Variants in PAK5 observed in about 807,000 individuals in gnomAD.
PAK5 encodes serine/threonine-protein kinase PAK 5.
A neutral mutation model predicts 65.9 loss-of-function variants in PAK5; 16 were observed. The observed-to-expected ratio is 0.24, with a 90% CI of 0.16 to 0.37. PAK5 has a LOEUF of 0.37. Ranked by LOEUF, PAK5 falls within the 10% of genes least tolerant of loss-of-function variation. The pLI, the probability that PAK5 is intolerant of heterozygous loss-of-function variation, is 1.00. For synonymous variants in PAK5, 371 were observed against 354.9 expected (o/e 1.05, Z -0.51); for missense variants, 785 against 903.9 (o/e 0.87, Z 1.69).
rs1426519916 is a variant in PAK5 at position 9,580,885 on chromosome 20, CGTTGATGGAGGTTTCCTT to C, written c.232_249del (p.Lys78_Asn83del). Reference sequence around the variant, plus strand: ...ATGTTGTCAAAATCCTCTAGCAGGCCGTTGATGGAGGTTTCCTTGCAGGGTTTGTTTCCTCTAACGATT... The same window carrying C: ...ATGTTGTCAAAATCCTCTAGCAGGCCGCAGGGTTTGTTTCCTCTAACGATT... On this transcript the variant is annotated inframe_deletion, in exon 4 of 10. Transcript: ENST00000353224. 5 of 1,608,218 alleles carry C rather than the reference CGTTGATGGAGGTTTCCTT, an allele frequency of 3.1e-6. No homozygotes were observed. Among genetic ancestry groups the C allele is most frequent in the African/African-American group, 1.3e-5 (1 of 74,240 alleles).
chr20:9,640,785 C>A (rs187385407), intron 3 of PAK5, among the ~76,000 whole-genome samples: 164 of 150,994 alleles, frequency 1.1e-3, no homozygotes, highest in African/African-American at 3.9e-3. Flanking sequence ...CTTAAGACAG[C>A]GCGTCTGGAG....
At chr20:9,769,680 G>C (rs974077157) in intron 1 of PAK5, among the ~76,000 whole-genome samples, 4 of 152,174 alleles carry the variant, frequency 2.6e-5, no homozygotes, top group African/African-American at 9.6e-5. Context: ...TCAGCTATGG[G>C]CTAGAGAGCA....
At chr20:9,612,072 T>A (rs1297914516) in intron 3 of PAK5, among the ~76,000 whole-genome samples, 1 of 152,058 alleles carries the variant, frequency 6.6e-6, no homozygotes, top group Non-Finnish European at 1.5e-5. Context: ...AGGCACAGGG[T>A]GTCTGGCCCC....
intron 1 of PAK5, chr20:9,818,732 A>T (rs1050373796): frequency 8.5e-5 from 13 of 152,212 alleles, no homozygotes; most frequent in African/African-American, 3.1e-4. Flanking sequence ...GGTCCAGAAG[A>T]CAGTCATTAA....
intron 1 of PAK5, among the ~76,000 whole-genome samples, chr20:9,716,903 G>A (rs1428428560): frequency 6.6e-6 from 1 of 151,976 alleles, no homozygotes; most frequent in Admixed American, 6.6e-5. Flanking sequence ...GAGCAACATG[G>A]CGAAACCCCG....
intron 1 of PAK5, among the ~76,000 whole-genome samples, chr20:9,799,928 GACTCTGTCTCCAAA>G (rs1569093084): frequency 1.0e-5 from 1 of 95,384 alleles, no homozygotes; most frequent in Admixed American, 1.8e-4. Flanking sequence ...AATAGAGTGA[GACTCTGTCTCCAAA>G]AAAAAAAAAA....
chr20:9,645,210 A>G (rs948675796), intron 2 of PAK5, among the ~76,000 whole-genome samples: 26 of 146,188 alleles, frequency 1.8e-4, no homozygotes, highest in African/African-American at 6.1e-4. Context: ...TTTTCACTGT[A>G]TATTATATTT....
At chr20:9,686,375 C>T (rs1384690386) in intron 2 of PAK5, among the ~76,000 whole-genome samples, 1 of 152,118 alleles carries the variant, frequency 6.6e-6, no homozygotes, top group Non-Finnish European at 1.5e-5. Flanking sequence ...CTTCCTTTTC[C>T]CTTCCTGTTT....
At chr20:9,772,860 C>A (rs1320995925) in intron 1 of PAK5, among the ~76,000 whole-genome samples, 1 of 152,192 alleles carries the variant, frequency 6.6e-6, no homozygotes, top group Non-Finnish European at 1.5e-5. Flanking sequence ...AGGGAGTTAA[C>A]ACTCCAGGAG....
At chr20:9,726,377 T>C (rs1000381861) in intron 1 of PAK5, among the ~76,000 whole-genome samples, 4 of 152,148 alleles carry the variant, frequency 2.6e-5, no homozygotes, top group Admixed American at 1.3e-4. Flanking sequence ...ACAGTTCAAT[T>C]GACTTAGAAA....
At chr20:9,645,136 A>G (rs1440326709) in intron 2 of PAK5, among the ~76,000 whole-genome samples, 1 of 152,220 alleles carries the variant, frequency 6.6e-6, no homozygotes, top group African/African-American at 2.4e-5. Context: ...AATATACAAG[A>G]AAGTTGACTG....
chr20:9,827,321 AATCT>A (rs749403613), intron 1 of PAK5, among the ~76,000 whole-genome samples: 2 of 152,204 alleles, frequency 1.3e-5, no homozygotes, highest in Admixed American at 1.3e-4. Flanking sequence ...CAGCTTCTTG[AATCT>A]ATCTAACTGC....
chr20:9,702,349 A>T lies in PAK5; in HGVS notation c.-12+8937T>A, dbSNP rs150588851. ...AACATCCCCAGTAGAGGCCCTAAGGATTCCTGCATGCTTGCATCAATACTC... is the reference window on the plus strand; with the variant it reads ...AACATCCCCAGTAGAGGCCCTAAGGTTTCCTGCATGCTTGCATCAATACTC... On this transcript the variant is annotated intron_variant, in intron 2 of 9. Transcript: ENST00000353224. 5.1e-4 allele frequency among the ~76,000 whole-genome samples: 77 copies of T among 152,208 alleles called. No individual in the cohort carries two copies. The Middle Eastern group carries it at 0.014, about 27-fold the overall frequency.
intron 2 of PAK5, among the ~76,000 whole-genome samples, chr20:9,662,684 G>C (rs764155915): frequency 1.1e-4 from 17 of 152,168 alleles, no homozygotes; most frequent in Non-Finnish European, 2.4e-4. Context: ...TGGACTTCAT[G>C]CAAGCAAGAA....
chr20:9,616,690 T>G (rs1295929048), intron 3 of PAK5, among the ~76,000 whole-genome samples: 1 of 152,152 alleles, frequency 6.6e-6, no homozygotes, highest in African/African-American at 2.4e-5. Context: ...GATAATACAC[T>G]GGGGTGCAGT....
At chr20:9,827,667 A>G (rs1315442417) in intron 1 of PAK5, among the ~76,000 whole-genome samples, 5 of 152,166 alleles carry the variant, frequency 3.3e-5, no homozygotes, top group Admixed American at 3.3e-4. Flanking sequence ...AAAGTTTTCA[A>G]TGAAGGTGTG....
At position 9,574,387 on chromosome 20, in the gene PAK5, G is replaced by A. The variant is rs531173504; in HGVS notation, c.990+5758C>T. Among the ~76,000 whole-genome samples the A allele has an allele frequency of 1.2e-4, 19 of 152,230 alleles. 1 individual carries two copies. The South Asian group carries it at 1.7e-3, about 13-fold the overall frequency. Reference sequence around the variant, plus strand: ...CATATCCAATTAACCCCCCACAGTTGCTGCTTCAAACTCAAAGAATGTGTC... The same window carrying A: ...CATATCCAATTAACCCCCCACAGTTACTGCTTCAAACTCAAAGAATGTGTC... On this transcript the variant is annotated intron_variant, in intron 4 of 9. Transcript: ENST00000353224.
chr20:9,745,860 T>C (rs2048501459), intron 1 of PAK5, among the ~76,000 whole-genome samples: 1 of 148,254 alleles, frequency 6.7e-6, no homozygotes, highest in Admixed American at 6.8e-5. Context: ...GAAGGGGGAA[T>C]GCCAATGTAA....
intron 1 of PAK5, among the ~76,000 whole-genome samples, chr20:9,823,554 C>A (rs898376536): frequency 4.6e-5 from 7 of 152,200 alleles, no homozygotes; most frequent in African/African-American, 1.7e-4. Flanking sequence ...ATTAATCTTG[C>A]CTTCCGCCAT....
Sources: allele counts gnomAD v4.1 joint callset (sites outside exome capture counted in the v4.1 genomes callset), GRCh38; gene constraint gnomAD v4.1.1; transcripts MANE v1.5; gene names NCBI Gene and HGNC (gene_info 2026-07-23, HGNC 2026-07-21).